ADAMTS20: variants seen among roughly 807,000 people sequenced by gnomAD.
The protein encoded by ADAMTS20 is A disintegrin and metalloproteinase with thrombospondin motifs 20.
In ADAMTS20, 225 loss-of-function variants were observed where a neutral mutation model predicts 260.1. The ratio of observed to expected loss-of-function variants is 0.87; its 90% CI spans 0.78 to 0.97. The LOEUF is 0.97. ADAMTS20 is among the 50% of genes least tolerant of loss of function. The pLI is 0.00. For missense variants in ADAMTS20, 2,400 were observed against 2,337.7 expected, an observed-to-expected ratio of 1.03 and a Z score of -0.55; for synonymous variants, 802 against 769.5, an observed-to-expected ratio of 1.04 and a Z score of -0.70.
At chr12:43,498,084 G>T (rs11182113) in intron 4 of ADAMTS20, among the ~76,000 whole-genome samples, 2 of 152,074 alleles carry the variant, frequency 1.3e-5, no homozygotes, top group East Asian at 3.9e-4. Flanking sequence ...AAAGGTTTTA[G>T]AATAACAGCT....
rs749723940 is a variant in ADAMTS20, at chr12:43,464,634, C to T, written c.1466G>A (p.Cys489Tyr). 3 of 1,613,448 alleles carry T rather than the reference C, an allele frequency of 1.9e-6. No individual in the cohort carries two copies. Among genetic ancestry groups the T allele is most frequent in the Admixed American group, 1.7e-5 (1 of 60,000 alleles). ...PGSRYDGNKQ[C>Y]ELAFGPGSQM... ...TGACCCAGGACCAAACGCAAGCTCACACTGCTTGTTTCCATCATATCGTGA... is the reference window on the plus strand; with the variant it reads ...TGACCCAGGACCAAACGCAAGCTCATACTGCTTGTTTCCATCATATCGTGA... Residue 489 changes from cysteine (C) to tyrosine (Y), a missense_variant, in exon 10 of 39, where the codon TGT (cysteine) becomes TAT (tyrosine). By Grantham distance (194) the Cys-to-Tyr change is radical. Coordinates refer to ENST00000389420, the MANE Select transcript of ADAMTS20 (RefSeq NM_025003.5).
intron 16 of ADAMTS20, 86 bp from the exon 17 acceptor site, chr12:43,440,155 T>G: frequency 1.1e-6 from 1 of 927,140 alleles, no homozygotes; most frequent in South Asian, 1.8e-5. Context: ...TTTTTTTTTT[T>G]TTTTTTGAGA....
At position 43,482,444 on chromosome 12, in the gene ADAMTS20, T is replaced by C. The variant is rs140047527; in HGVS notation, c.1117+7951A>G. ...TGCCTGAAACCCAGTTAGCTGCTGT[T>C]AGCAGATCACTGTGGGTGTAAGACT... is the stretch of plus-strand genomic sequence containing the variant. On this transcript the variant is annotated intron_variant, in intron 7 of 38. Coordinates refer to ENST00000389420, the MANE Select transcript of ADAMTS20 (RefSeq NM_025003.5). Among the ~76,000 whole-genome samples the C allele has an allele frequency of 4.5e-4, 69 of 152,348 alleles. No homozygotes were observed. The East Asian group carries it at 0.011, about 25-fold the overall frequency.
intron 3 of ADAMTS20, among the ~76,000 whole-genome samples, chr12:43,504,728 T>G (rs1202759485): frequency 1.3e-5 from 2 of 152,162 alleles, no homozygotes; most frequent in East Asian, 1.9e-4. Context: ...AAGCTTACAC[T>G]CTAGTTGAAA....
At chr12:43,357,625 G>T (rs894358861) in intron 37 of ADAMTS20, among the ~76,000 whole-genome samples, 1 of 152,042 alleles carries the variant, frequency 6.6e-6, no homozygotes, top group African/African-American at 2.4e-5. Flanking sequence ...ATTTTCCATT[G>T]CAGAAATAAT....
chr12:43,551,997 G>T lies in ADAMTS20; in HGVS notation c.-76C>A. ...GCCAAGCCGGCTTCCCTCGCGCTCC[G>T]ATCCCTCTCCTCCCTCTCGCCCGCC... On this transcript the variant is annotated 5_prime_UTR_variant, in exon 1 of 39. Coordinates refer to ENST00000389420, the MANE Select transcript of ADAMTS20 (RefSeq NM_025003.5). This position sits in a 1 kb window ranked among gnomAD's most constrained non-coding sequence, Gnocchi z 4.6. The T allele has an allele frequency of 8.0e-7, 1 of 1,256,202 alleles. No individual in the cohort carries two copies. The highest frequency in any genetic ancestry group is 1.2e-6 in the Non-Finnish European group (1 of 867,324). The allele number at this position is 1,256,202 out of a possible 1,614,324, so 77.8% of individuals were successfully genotyped here.
At chr12:43,418,059 G>C (rs917145331) in intron 28 of ADAMTS20, among the ~76,000 whole-genome samples, 1 of 152,064 alleles carries the variant, frequency 6.6e-6, no homozygotes, top group South Asian at 2.1e-4. Flanking sequence ...GACTTTTGCT[G>C]GTTAAGTTTA....
Position 43,541,391 on chromosome 12 carries a change from G to C in ADAMTS20, c.454-9196C>G, listed in dbSNP as rs987739373. On this transcript the variant is annotated intron_variant, in intron 2 of 38. Coordinates refer to ENST00000389420, the MANE Select transcript of ADAMTS20 (RefSeq NM_025003.5). ...TACCCAATTTCCTAGGAAGGTTAATGTGTGTTTAAGTGATATTAATAATAG... is the reference window on the plus strand; with the variant it reads ...TACCCAATTTCCTAGGAAGGTTAATCTGTGTTTAAGTGATATTAATAATAG... Among the ~76,000 whole-genome samples the C allele has an allele frequency of 1.1e-4, 16 of 152,248 alleles. No homozygotes were observed. The East Asian group carries it at 2.3e-3, about 22-fold the overall frequency.
At position 43,386,829 on chromosome 12, in the gene ADAMTS20, G is replaced by A. The variant is rs140473330; in HGVS notation, c.4453-2852C>T. On this transcript the variant is annotated intron_variant, in intron 29 of 38. Transcript: ENST00000389420. ...CGAAGTTCTCGTGCTGTGTTTTTCA[G>A]CTCCATCAGGTCATTTATGTTCTTC... is the stretch of plus-strand genomic sequence containing the variant. 7.7e-3 allele frequency among the ~76,000 whole-genome samples: 1,172 copies of A among 152,224 alleles called. 15 individuals are homozygous for A. Among genetic ancestry groups the A allele is most frequent in the African/African-American group, 0.026 (1,074 of 41,504 alleles).
chr12:43,443,940 A>T (rs1941714825), intron 15 of ADAMTS20, 57 bp from the exon 16 acceptor site: 1 of 1,383,560 alleles, frequency 7.2e-7, no homozygotes, highest in African/African-American at 1.4e-5. Context: ...CCCAGAGGTT[A>T]TTACTGCTGA....
At position 43,531,001 on chromosome 12, in the gene ADAMTS20, C is replaced by T. The variant is rs142699411; in HGVS notation, c.613+1035G>A. Among the ~76,000 whole-genome samples, 9 of 151,702 alleles carry T rather than the reference C, an allele frequency of 5.9e-5. No homozygotes were observed. In the East Asian group the frequency reaches 1.7e-3, roughly 29 times the overall value. ...TCTAGGTATATATCCTGGAGAAACTCTCAAAAACAGGAGATGGGGACAAGA... is the reference window on the plus strand; with the variant it reads ...TCTAGGTATATATCCTGGAGAAACTTTCAAAAACAGGAGATGGGGACAAGA... On this transcript the variant is annotated intron_variant, in intron 3 of 38. Transcript: ENST00000389420.
In ADAMTS20 at chr12:43,427,532, TAAA is replaced by T. The variant is rs60438862; in HGVS notation, c.3946-66_3946-64del. 5.0e-6 allele frequency: 6 copies of T among 1,197,398 alleles called. No homozygotes were observed. The Admixed American group carries it at 9.5e-5, about 19-fold the overall frequency. 74.2% of individuals were successfully genotyped at this position (1,197,398 alleles called of 1,614,324 possible). A position where few individuals can be genotyped will look rare whatever the true frequency, so the allele number is the denominator to read the frequency against. ...GATTCCACATAATGAATTTACATGG[TAAA>T]AAAAAAAAATCAGCATTGACTCAAT... is the stretch of plus-strand genomic sequence containing the variant. On this transcript the variant is annotated intron_variant, in intron 26 of 38. Transcript: ENST00000389420.
At chr12:43,354,627 A>C (rs1367675261) in intron 38 of ADAMTS20, among the ~76,000 whole-genome samples, 1 of 152,176 alleles carries the variant, frequency 6.6e-6, no homozygotes. Flanking sequence ...TATTTGCTTC[A>C]GTGAGTTTAT....
intron 37 of ADAMTS20, among the ~76,000 whole-genome samples, chr12:43,363,632 C>T (rs1939922140): frequency 6.6e-6 from 1 of 152,180 alleles, no homozygotes; most frequent in Admixed American, 6.5e-5. Context: ...AATTCACTAG[C>T]TTTTCCTATT....
intron 16 of ADAMTS20, among the ~76,000 whole-genome samples, chr12:43,442,980 A>C (rs1941695828): frequency 6.6e-6 from 1 of 152,236 alleles, no homozygotes; most frequent in South Asian, 2.1e-4. Context: ...TTATAGTTCC[A>C]AATGCAATTC....
rs551548605 is a variant in ADAMTS20, at chr12:43,483,181, A to G, written c.1117+7214T>C. ...TCACATCTCTGGATTCCTTGCAGAC[A>G]TTCCCCAGCACCAACCTGGGGTGTG... On this transcript the variant is annotated intron_variant, in intron 7 of 38. Coordinates refer to ENST00000389420, the MANE Select transcript of ADAMTS20 (RefSeq NM_025003.5). Among the ~76,000 whole-genome samples the G allele has an allele frequency of 3.3e-5, 5 of 152,290 alleles. No homozygotes were observed. The East Asian group carries it at 9.7e-4, about 29-fold the overall frequency.
rs1344297977 is a variant in ADAMTS20, at chr12:43,493,242, G to T, written c.879C>A (p.Ile293=). The T allele has an allele frequency of 1.9e-6, 3 of 1,552,174 alleles. No individual in the cohort carries two copies. The highest frequency in any genetic ancestry group is 1.7e-6 in the Non-Finnish European group (2 of 1,147,300). Residue 293 remains isoleucine (I), a synonymous_variant, in exon 5 of 39, where the codon ATC becomes ATA. Coordinates refer to ENST00000389420, the MANE Select transcript of ADAMTS20 (RefSeq NM_025003.5). ...AATTTCCAATACTTGGATCTTTGTA[G>T]ATTGTTGCAACCTGCATGTAAAAAA... ...ILTLMSIVAT[I]YKDPSIGNLI...
chr12:43,525,197 G>A (rs201918679), intron 3 of ADAMTS20, among the ~76,000 whole-genome samples: 1 of 152,206 alleles, frequency 6.6e-6, no homozygotes, highest in African/African-American at 2.4e-5. Flanking sequence ...CAGAAACCTT[G>A]CAAGCAAGAA....
chr12:43,426,272 T>C (rs550640366), intron 27 of ADAMTS20, among the ~76,000 whole-genome samples: 1 of 152,316 alleles, frequency 6.6e-6, no homozygotes, highest in Admixed American at 6.5e-5. Flanking sequence ...TGTATCTCTA[T>C]TTGGACATAT....
Sources: allele counts gnomAD v4.1 joint callset (sites outside exome capture counted in the v4.1 genomes callset), GRCh38; gene constraint gnomAD v4.1.1; non-coding constraint Gnocchi (gnomAD v3.1); transcripts MANE v1.5; gene names NCBI Gene and HGNC (gene_info 2026-07-23, HGNC 2026-07-21).